The following EFHD1 variants were observed in gnomAD, a reference collection of about 807,000 sequenced individuals.
The protein encoded by EFHD1 is EF-hand domain-containing protein D1.
In EFHD1, 10 loss-of-function variants were observed where a neutral mutation model predicts 17.2. That is an observed-to-expected ratio of 0.58 (90% CI 0.36 to 0.99). The LOEUF (loss-of-function observed/expected upper bound fraction) is 0.99, where lower values mean the gene tolerates loss of function less well. EFHD1 is among the 50% of genes least tolerant of loss of function. The probability of loss-of-function intolerance (pLI) is 0.01; values close to 1 mark genes in which losing one functional copy is unlikely to be tolerated. For synonymous variants in EFHD1, 153 were observed against 142.0 expected, an observed-to-expected ratio of 1.08 and a Z score of -0.55; for missense variants, 310 against 327.5, an observed-to-expected ratio of 0.95 and a Z score of 0.41.
chr2:232,632,387 G>A (rs16829366), upstream of EFHD1, among the ~76,000 whole-genome samples: 8,148 of 152,226 alleles, frequency 0.054, 557 homozygotes, highest in East Asian at 0.21. Flanking sequence ...ATAGTCCAGC[G>A]GGGTCACTGA....
At chr2:232,622,448 A>G (rs1384632021) in intron 1 of EFHD1, among the ~76,000 whole-genome samples, 1 of 144,016 alleles carries the variant, frequency 6.9e-6, no homozygotes, top group East Asian at 2.1e-4. Context: ...CAGCCTGGGC[A>G]ATGAGAGCAA....
chr2:232,659,289 C>G (rs578144234), intron 1 of EFHD1, among the ~76,000 whole-genome samples: 98 of 150,994 alleles, frequency 6.5e-4, no homozygotes, highest in Non-Finnish European at 1.0e-3. Flanking sequence ...AGTGAGGGCA[C>G]TGAGAAAAAA....
chr2:232,672,251 C>G (rs1036139659), intron 2 of EFHD1, 58 bp from the exon 3 acceptor site: 1 of 1,610,890 alleles, frequency 6.2e-7, no homozygotes, highest in South Asian at 1.1e-5. Context: ...GACCAGAGGG[C>G]TGGTTATGAA....
chr2:232,652,885 A>C (rs1400288725), intron 1 of EFHD1, among the ~76,000 whole-genome samples: 1 of 152,158 alleles, frequency 6.6e-6, no homozygotes, highest in Non-Finnish European at 1.5e-5. Context: ...GAAGAGAGAA[A>C]GATAGGTTTC....
intron 1 of EFHD1, chr2:232,611,584 C>T (rs977988268): frequency 2.0e-5 from 3 of 152,270 alleles, no homozygotes; most frequent in Non-Finnish European, 4.4e-5. Flanking sequence ...AGCTCCCTCC[C>T]CCGGGGCAGA....
chr2:232,613,625 C>CAT (rs1553593999), intron 1 of EFHD1, among the ~76,000 whole-genome samples: 4 of 120,106 alleles, frequency 3.3e-5, no homozygotes, highest in East Asian at 2.9e-4. Flanking sequence ...CACACACACA[C>CAT]ACACACATAT....
At chr2:232,665,490 C>T (rs745513536) in intron 2 of EFHD1, among the ~76,000 whole-genome samples, 46 of 152,012 alleles carry the variant, frequency 3.0e-4, no homozygotes, top group Middle Eastern at 6.8e-3. Flanking sequence ...GGTGCAATCT[C>T]GGCTCAGTGC....
upstream of EFHD1, among the ~76,000 whole-genome samples, chr2:232,632,274 A>C (rs1394810052): frequency 6.6e-6 from 1 of 152,218 alleles, no homozygotes; most frequent in Non-Finnish European, 1.5e-5. Flanking sequence ...TCTTTAAAAA[A>C]CGTATTTTCC....
intron 1 of EFHD1, among the ~76,000 whole-genome samples, chr2:232,627,312 C>T (rs576398903): frequency 6.2e-4 from 93 of 150,112 alleles, no homozygotes; most frequent in Non-Finnish European, 1.2e-3. Context: ...GTCAACATAG[C>T]CAATGGTACA....
At chr2:232,668,279 G>A (rs1326744475) in intron 2 of EFHD1, among the ~76,000 whole-genome samples, 1 of 152,248 alleles carries the variant, frequency 6.6e-6, no homozygotes, top group Non-Finnish European at 1.5e-5. Context: ...AAGTCTGGGC[G>A]CTTTCAGCTT....
intron 1 of EFHD1, among the ~76,000 whole-genome samples, chr2:232,615,842 C>T (rs1693918930): frequency 6.6e-6 from 1 of 152,032 alleles, no homozygotes; most frequent in African/African-American, 2.4e-5. Flanking sequence ...CATGCGCCAC[C>T]AGGCCCGGCT....
At chr2:232,633,322 ACGGTTTTCCC>A (rs1031248318), upstream of EFHD1, 13 of 351,054 alleles carry the variant, frequency 3.7e-5, no homozygotes, top group Non-Finnish European at 3.8e-5. Context: ...TTTTCCCGCT[ACGGTTTTCCC>A]CGGAGCTGAC....
chr2:232,612,599 G>A (rs1037656476), intron 1 of EFHD1, among the ~76,000 whole-genome samples: 1 of 152,168 alleles, frequency 6.6e-6, no homozygotes, highest in South Asian at 2.1e-4. Context: ...CATTGGAGTG[G>A]CTGCAGTCTG....
At chr2:232,680,763 C>T (rs1334984693) in intron 3 of EFHD1, among the ~76,000 whole-genome samples, 2 of 152,048 alleles carry the variant, frequency 1.3e-5, no homozygotes, top group African/African-American at 4.8e-5. Flanking sequence ...CCCGCTTCAG[C>T]CTCCCAAAGT....
Position 232,681,269 on chromosome 2 carries a change from G to T in EFHD1, c.586-316G>T, listed in dbSNP as rs183072272. On this transcript the variant is annotated intron_variant, in intron 3 of 3. Coordinates refer to ENST00000264059, the MANE Select transcript of EFHD1 (RefSeq NM_025202.4). ...AATATTAGTGTGAAATTAAAATAAT[G>T]TAAAAATGGTTAATAAACTGGGATG... Among the ~76,000 whole-genome samples, 322 of 152,230 alleles carry T rather than the reference G, an allele frequency of 2.1e-3. 3 individuals carry two copies. Among genetic ancestry groups the T allele is most frequent in the African/African-American group, 7.4e-3 (306 of 41,538 alleles).
intron 1 of EFHD1, among the ~76,000 whole-genome samples, chr2:232,649,242 T>C (rs1424719862): frequency 6.6e-6 from 1 of 152,192 alleles, no homozygotes; most frequent in Admixed American, 6.5e-5. Flanking sequence ...CGGAGTCACC[T>C]CGGGCCCTTT....
intron 1 of EFHD1, among the ~76,000 whole-genome samples, chr2:232,650,291 C>CT (rs869070386): frequency 0.041 from 5,181 of 126,728 alleles, 177 homozygotes; most frequent in African/African-American, 0.087. Flanking sequence ...TCTGGGTTGC[C>CT]TTTTTTTTTT....
intron 2 of EFHD1, among the ~76,000 whole-genome samples, chr2:232,663,299 A>T (rs917548895): frequency 5.3e-5 from 8 of 151,988 alleles, no homozygotes; most frequent in Admixed American, 2.6e-4. Flanking sequence ...TATTTTTAAA[A>T]TTTTTTATTT....
At chr2:232,610,320 G>A (rs1693790098) in intron 1 of EFHD1, among the ~76,000 whole-genome samples, 1 of 152,208 alleles carries the variant, frequency 6.6e-6, no homozygotes. Flanking sequence ...CTGGGGAGTA[G>A]GGGCAGGTGA....
Sources: allele counts gnomAD v4.1 joint callset (sites outside exome capture counted in the v4.1 genomes callset), GRCh38; gene constraint gnomAD v4.1.1; transcripts MANE v1.5; gene names NCBI Gene and HGNC (gene_info 2026-07-23, HGNC 2026-07-21).